Variants in CIMIP2A observed in about 807,000 individuals in gnomAD.
CIMIP2A encodes ciliary microtubule inner protein 2A, also known as family with sequence similarity 166 member A.
At chr9:137,250,815 G>A in the CIMIP2A span, 9 of 178,738 alleles carry the variant, frequency 5.0e-5, no homozygotes, top group Non-Finnish European at 1.1e-4. Flanking sequence ...AAATCCAGAT[G>A]GGGTGGCGGC....
the CIMIP2A span, among the ~76,000 whole-genome samples, chr9:137,254,454 A>G: frequency 6.6e-6 from 1 of 152,212 alleles, no homozygotes; most frequent in African/African-American, 2.4e-5. Context: ...ACCCAAAGCT[A>G]GGAGTGGGAG....
At chr9:137,246,763 A>T in the CIMIP2A span, among the ~76,000 whole-genome samples, 1 of 151,968 alleles carries the variant, frequency 6.6e-6, no homozygotes, top group Non-Finnish European at 1.5e-5. Flanking sequence ...ACTCCGTCTC[A>T]AAAGAAAAAA....
At chr9:137,245,010 C>A in the CIMIP2A span, 30 of 1,609,874 alleles carry the variant, frequency 1.9e-5, no homozygotes, top group Middle Eastern at 3.3e-4. Flanking sequence ...CCTGTGGCAG[C>A]CTCCTCAGGG....
At chr9:137,245,813 T>C in the CIMIP2A span, 8 of 1,511,748 alleles carry the variant, frequency 5.3e-6, no homozygotes, top group Non-Finnish European at 7.1e-6. Context: ...CCATAGGTGT[T>C]CCCCACCTGG....
At chr9:137,252,962 A>C in the CIMIP2A span, 2 of 1,594,330 alleles carry the variant, frequency 1.3e-6, no homozygotes, top group Non-Finnish European at 1.7e-6. Context: ...CTGGCTCAGC[A>C]CCTGTAAGGA....
chr9:137,252,791 C>A, the CIMIP2A span: 6 of 1,562,826 alleles, frequency 3.8e-6, no homozygotes, highest in Admixed American at 1.1e-4. Flanking sequence ...GGCTAGGGGG[C>A]TGGGCCTCAG....
chr9:137,251,463 T>C, the CIMIP2A span: 5 of 1,151,238 alleles, frequency 4.3e-6, no homozygotes. Flanking sequence ...AGGGACAGTG[T>C]GGGGGGCAGG....
the CIMIP2A span, chr9:137,251,695 A>T: frequency 3.9e-6 from 6 of 1,543,502 alleles, no homozygotes; most frequent in Non-Finnish European, 5.2e-6. Context: ...TGTGGCTGGG[A>T]GCGGCCGGGG....
At chr9:137,244,833 G>A in the CIMIP2A span, 5 of 1,570,080 alleles carry the variant, frequency 3.2e-6, no homozygotes, top group South Asian at 4.6e-5. Flanking sequence ...GCCAGGCAAG[G>A]CTCCCTTTCG....
chr9:137,245,648 G>A, the CIMIP2A span: 1 of 1,607,438 alleles, frequency 6.2e-7, no homozygotes, highest in Non-Finnish European at 8.5e-7. Context: ...CTGGTGTAGT[G>A]GGGGATGTAG....
chr9:137,245,555 G>A, the CIMIP2A span: 1 of 1,613,770 alleles, frequency 6.2e-7, no homozygotes, highest in Non-Finnish European at 8.5e-7. Flanking sequence ...GAGGGCTTCA[G>A]ACCTGTACCA....
At chr9:137,244,659 C>T in the CIMIP2A span, 120 of 1,613,730 alleles carry the variant, frequency 7.4e-5, no homozygotes, top group Middle Eastern at 6.6e-4. Flanking sequence ...TTGTCGAATT[C>T]GTCCATGGCT....
chr9:137,245,011 C>T, the CIMIP2A span: 10 of 1,609,726 alleles, frequency 6.2e-6, no homozygotes, highest in African/African-American at 1.3e-5. Flanking sequence ...CTGTGGCAGC[C>T]TCCTCAGGGG....
the CIMIP2A span, chr9:137,243,899 C>T: frequency 8.2e-7 from 1 of 1,225,522 alleles, no homozygotes; most frequent in Non-Finnish European, 1.2e-6. Context: ...TGGGTATCTG[C>T]TTGGTGGGGA....
the CIMIP2A span, among the ~76,000 whole-genome samples, chr9:137,254,198 C>T: frequency 1.1e-3 from 161 of 152,378 alleles, no homozygotes; most frequent in Middle Eastern, 0.01. Flanking sequence ...GCTTCTGTGG[C>T]CTCAGCACCA....
chr9:137,249,054 C>T, the CIMIP2A span, among the ~76,000 whole-genome samples: 3 of 150,056 alleles, frequency 2.0e-5, no homozygotes, highest in Admixed American at 1.3e-4. Context: ...GACAGGGTTT[C>T]ACCATGTTAG....
the CIMIP2A span, chr9:137,251,987 C>A: frequency 6.2e-7 from 1 of 1,607,722 alleles, no homozygotes; most frequent in African/African-American, 1.3e-5. Flanking sequence ...CCAGAGCTTG[C>A]TTCCTGTGGC....
chr9:137,248,459 C>A, the CIMIP2A span, among the ~76,000 whole-genome samples: 2 of 149,008 alleles, frequency 1.3e-5, no homozygotes, highest in African/African-American at 5.0e-5. Context: ...AGGAGAATGG[C>A]GTGAACCCAG....
At chr9:137,252,693 G>A in the CIMIP2A span, 1 of 1,550,914 alleles carries the variant, frequency 6.4e-7, no homozygotes, top group Non-Finnish European at 8.7e-7. Context: ...CAGCTGCTCA[G>A]CCGGCCCGCC....
Sources: gnomAD v4.1 joint callset for allele counts (sites outside exome capture counted in the v4.1 genomes callset) on GRCh38, gnomAD v4.1.1 for gene constraint, MANE v1.5 for transcripts, NCBI Gene and HGNC (gene_info 2026-07-23, HGNC 2026-07-21) for gene names.